Variants in SEMA6D observed in about 807,000 individuals in gnomAD.
SEMA6D encodes semaphorin 6D, also known as semaphorin-6D.
Under a neutral mutation model 106.6 loss-of-function variants are expected in SEMA6D, and 35 were observed. The ratio of observed to expected loss-of-function variants is 0.33; its 90% CI spans 0.25 to 0.44. SEMA6D has a LOEUF of 0.44. SEMA6D is among the 20% of genes least tolerant of loss of function. The probability of loss-of-function intolerance (pLI) is 1.00; values close to 1 mark genes in which losing one functional copy is unlikely to be tolerated. For synonymous variants in SEMA6D, 499 were observed against 487.7 expected, an observed-to-expected ratio of 1.02 and a Z score of -0.31; for missense variants, 1,185 against 1,345.9, an observed-to-expected ratio of 0.88 and a Z score of 1.87.
intron 1 of SEMA6D, among the ~76,000 whole-genome samples, chr15:47,291,663 G>A (rs2035598231): frequency 6.6e-6 from 1 of 152,154 alleles, no homozygotes; most frequent in African/African-American, 2.4e-5. Flanking sequence ...ATATGCCACT[G>A]TGTTGTCCCA....
At chr15:47,695,076 A>G (rs1014375470) in intron 4 of SEMA6D, among the ~76,000 whole-genome samples, 6 of 152,192 alleles carry the variant, frequency 3.9e-5, no homozygotes, top group African/African-American at 1.4e-4. Flanking sequence ...CCTAAGTTAC[A>G]TAGACAGGCA....
intron 1 of SEMA6D, among the ~76,000 whole-genome samples, chr15:47,215,694 G>C (rs2030522900): frequency 1.3e-5 from 2 of 152,070 alleles, no homozygotes; most frequent in African/African-American, 2.4e-5. Flanking sequence ...CAAAACTGAT[G>C]GGAAATAATT....
intron 1 of SEMA6D, chr15:47,359,801 G>A (rs1467228602): frequency 1.3e-5 from 2 of 152,094 alleles, no homozygotes; most frequent in Non-Finnish European, 2.9e-5. Flanking sequence ...CCAATCTTAC[G>A]GAAGGTGACT....
chr15:47,561,234 A>T (rs2046071985), intron 3 of SEMA6D, among the ~76,000 whole-genome samples: 1 of 152,102 alleles, frequency 6.6e-6, no homozygotes, highest in Non-Finnish European at 1.5e-5. Context: ...AAATCTTGAA[A>T]GCAGCAAAAG....
rs189233471 is a variant in SEMA6D, at chr15:47,341,938, C to T, written c.-238-70455C>T. Among the ~76,000 whole-genome samples the T allele has an allele frequency of 3.8e-4, 57 of 151,980 alleles. 1 individual carries two copies. The East Asian group carries it at 0.01, about 27-fold the overall frequency. The stretch of plus-strand genomic sequence containing the variant: ...CACAGTGCCAGACACTTTTGAGCTA[C>T]TCCAACTCTGGGCCTTTAAATTCAG... On this transcript the variant is annotated intron_variant, in intron 1 of 19. Transcript: ENST00000558014.
intron 3 of SEMA6D, among the ~76,000 whole-genome samples, chr15:47,509,209 A>C (rs1307323734): frequency 1.3e-5 from 2 of 152,160 alleles, no homozygotes; most frequent in African/African-American, 4.8e-5. Flanking sequence ...CATTTGCTAA[A>C]TTCTGGTGTA....
intron 2 of SEMA6D, among the ~76,000 whole-genome samples, chr15:47,413,779 G>A (rs540202936): frequency 7.2e-5 from 11 of 152,132 alleles, no homozygotes; most frequent in Admixed American, 3.3e-4. Flanking sequence ...CACTGCATTC[G>A]GCCACTAATA....
At chr15:47,526,398 T>C (rs2044756275) in intron 3 of SEMA6D, among the ~76,000 whole-genome samples, 1 of 152,154 alleles carries the variant, frequency 6.6e-6, no homozygotes, top group Non-Finnish European at 1.5e-5. Flanking sequence ...ATATTTCCCA[T>C]GAGCAAATAT....
chr15:47,771,652 G>A lies in SEMA6D; in HGVS notation c.3089G>A (p.Ser1030Asn). The stretch of plus-strand genomic sequence containing the variant: ...CAGCCTTCCCTCTCCAGACAGAGCA[G>A]CTACACCAGTAATGGCACTCTTCCT... ...HLQPSLSRQS[S>N]YTSNGTLPRT... is the part of the protein sequence containing the mutation. The change falls in exon 19 of 19, where the codon AGC becomes AAC. Residue 1030 changes from serine (S) to asparagine (N), a missense_variant. Around this residue, in one of 3 missense-constraint regions of SEMA6D, gnomAD observed 750 missense variants for 783.5 expected, o/e 0.96. Transcript: ENST00000536845. 6.2e-7 allele frequency: 1 copy of A among 1,614,136 alleles called. No individual in the cohort carries two copies. Among genetic ancestry groups the A allele is most frequent in the Non-Finnish European group, 8.5e-7 (1 of 1,179,992 alleles).
At chr15:47,215,812 G>A (rs17356573) in intron 1 of SEMA6D, among the ~76,000 whole-genome samples, 1,850 of 152,266 alleles carry the variant, frequency 0.012, 41 homozygotes, top group Admixed American at 0.012. Flanking sequence ...GTACTCACGT[G>A]TTGCCAAATG....
intron 3 of SEMA6D, among the ~76,000 whole-genome samples, chr15:47,565,348 G>A (rs959134856): frequency 6.6e-6 from 1 of 152,174 alleles, no homozygotes; most frequent in Non-Finnish European, 1.5e-5. Context: ...GTCTGAGTGA[G>A]TGGAGATCAT....
intron 3 of SEMA6D, among the ~76,000 whole-genome samples, chr15:47,591,326 A>G (rs2076434654): frequency 6.6e-6 from 1 of 152,210 alleles, no homozygotes; most frequent in South Asian, 2.1e-4. Context: ...CAGTTCCAAC[A>G]TTAAATTTGG....
intron 1 of SEMA6D, among the ~76,000 whole-genome samples, chr15:47,337,434 G>A (rs559263771): frequency 6.6e-6 from 1 of 152,284 alleles, no homozygotes; most frequent in Non-Finnish European, 1.5e-5. Flanking sequence ...GGCTACAAAT[G>A]GGTCTTGACA....
At chr15:47,546,165 A>T (rs1315895375) in intron 3 of SEMA6D, among the ~76,000 whole-genome samples, 1 of 152,178 alleles carries the variant, frequency 6.6e-6, no homozygotes, top group African/African-American at 2.4e-5. Flanking sequence ...AAGGAAACTT[A>T]AAACTCCAAA....
intron 1 of SEMA6D, among the ~76,000 whole-genome samples, chr15:47,752,910 G>A (rs574899028): frequency 2.1e-4 from 32 of 151,788 alleles, no homozygotes; most frequent in African/African-American, 7.5e-4. Context: ...TTTGGAGGCT[G>A]AGGCAGGAGA....
chr15:47,500,748 A>G (rs1353194754), intron 3 of SEMA6D, among the ~76,000 whole-genome samples: 2 of 152,172 alleles, frequency 1.3e-5, no homozygotes, highest in African/African-American at 4.8e-5. Flanking sequence ...GCTTTCCTTT[A>G]ACAACTAATA....
Position 47,677,718 on chromosome 15 carries a change from C to T in SEMA6D, c.-55+76822C>T, listed in dbSNP as rs535984793. On this transcript the variant is annotated intron_variant, in intron 4 of 19. Transcript: ENST00000558014. Reference sequence around the variant, plus strand: ...GAATGAGATACTTTTTACAGTCATTCACATTTAAAAATTTAGTGTTTGGCT... The same window carrying T: ...GAATGAGATACTTTTTACAGTCATTTACATTTAAAAATTTAGTGTTTGGCT... Among the ~76,000 whole-genome samples, 4 of 152,276 alleles carry T rather than the reference C, an allele frequency of 2.6e-5. No individual in the cohort carries two copies. In the East Asian group the frequency reaches 7.7e-4, roughly 29 times the overall value.
At chr15:47,768,446 T>C in intron 17 of SEMA6D, 135 bp from the exon 18 acceptor site, 1 of 647,750 alleles carries the variant, frequency 1.5e-6, no homozygotes. Flanking sequence ...TGTAGCTTCC[T>C]CAGGCGTGTT....
chr15:47,358,477 A>G (rs1241754713), intron 1 of SEMA6D, among the ~76,000 whole-genome samples: 1 of 152,240 alleles, frequency 6.6e-6, no homozygotes, highest in Non-Finnish European at 1.5e-5. Flanking sequence ...GATCCTCTTA[A>G]GCATGGGAGC....
Sources: gnomAD v4.1 joint callset for allele counts (sites outside exome capture counted in the v4.1 genomes callset) on GRCh38, gnomAD v4.1.1 for gene constraint, gnomAD v4.1.1 regional missense constraint, MANE v1.5 for transcripts, NCBI Gene and HGNC (gene_info 2026-07-23, HGNC 2026-07-21) for gene names.